Variants in CSMD2 observed in about 807,000 individuals in gnomAD.
The protein encoded by CSMD2 is CUB and sushi domain-containing protein 2.
CSMD2 carries 130 observed loss-of-function variants against 398.5 expected under a neutral mutation model. The observed-to-expected ratio is 0.33, with a 90% CI of 0.28 to 0.38. The LOEUF (loss-of-function observed/expected upper bound fraction) is 0.38, where lower values mean the gene tolerates loss of function less well. Among genes scored for constraint, CSMD2 ranks in the 10% least tolerant of loss-of-function variants. CSMD2 has a pLI of 1.00. For synonymous variants in CSMD2, 1,828 were observed against 1,908.5 expected, an observed-to-expected ratio of 0.96 and a Z score of 1.10; for missense variants, 3,829 against 4,764.9, an observed-to-expected ratio of 0.80 and a Z score of 5.78.
chr1:33,677,380 T>C (rs1037749987), intron 25 of CSMD2, among the ~76,000 whole-genome samples: 1 of 152,194 alleles, frequency 6.6e-6, no homozygotes, highest in African/African-American at 2.4e-5. Context: ...TCACTGGCCA[T>C]CAGAGAAATG....
At chr1:33,903,333 G>GC (rs1642875270) in intron 5 of CSMD2, among the ~76,000 whole-genome samples, 1 of 128,318 alleles carries the variant, frequency 7.8e-6, no homozygotes, top group Non-Finnish European at 1.8e-5. Flanking sequence ...CGACTGCTGA[G>GC]CTTTTTTTTT....
chr1:33,571,561 C>T lies in CSMD2; in HGVS notation c.7928G>A (p.Ser2643Asn). The part of the protein sequence containing the change: ...VIRCQANGKW[S>N]LGDSTPTCRI... Reference sequence around the variant, plus strand: ...GCAGGTGGGCGTAGAGTCCCCGAGGCTCCATTTGCCATTGGCCTGACAGCG... The same window carrying T: ...GCAGGTGGGCGTAGAGTCCCCGAGGTTCCATTTGCCATTGGCCTGACAGCG... The change falls in exon 51 of 71, where the codon AGC becomes AAC. Residue 2643 changes from serine (S) to asparagine (N), a missense_variant. Transcript: ENST00000373381. 6.6e-7 allele frequency: 1 copy of T among 1,523,116 alleles called. No homozygotes were observed. The highest frequency in any genetic ancestry group is 8.9e-7 in the Non-Finnish European group (1 of 1,121,088). 94.4% of individuals were successfully genotyped at this position (1,523,116 alleles called of 1,614,324 possible). A position where few individuals can be genotyped will look rare whatever the true frequency, so the allele number is the denominator to read the frequency against.
intron 4 of CSMD2, among the ~76,000 whole-genome samples, chr1:33,934,967 G>A (rs1160955120): frequency 1.4e-5 from 2 of 143,306 alleles, no homozygotes; most frequent in East Asian, 4.0e-4. Flanking sequence ...TTACGTCACT[G>A]CACTCCAGCA....
chr1:33,527,373 T>C (rs986843666), intron 64 of CSMD2, 115 bp from the exon 65 acceptor site: 2 of 762,588 alleles, frequency 2.6e-6, no homozygotes, highest in African/African-American at 3.6e-5. Context: ...GATCTTGCTT[T>C]CCCCTTATTT....
intron 1 of CSMD2, among the ~76,000 whole-genome samples, chr1:34,162,656 C>T (rs11582531): frequency 0.03 from 4,550 of 152,066 alleles, 102 homozygotes; most frequent in Non-Finnish European, 0.049. Flanking sequence ...GTCAGGAGCT[C>T]GAGACCAGCC....
At chr1:33,669,481 C>T (rs139077270) in intron 25 of CSMD2, among the ~76,000 whole-genome samples, 19 of 152,306 alleles carry the variant, frequency 1.2e-4, no homozygotes, top group African/African-American at 3.4e-4. Context: ...GTCAGACTTC[C>T]GAGGGGACAC....
At chr1:33,735,806 G>A (rs1569595144) in intron 15 of CSMD2, among the ~76,000 whole-genome samples, 1 of 152,262 alleles carries the variant, frequency 6.6e-6, no homozygotes, top group Non-Finnish European at 1.5e-5. Context: ...TGTCCACAAG[G>A]TGGGGACACT....
At chr1:33,997,051 C>T (rs1646748865) in intron 3 of CSMD2, among the ~76,000 whole-genome samples, 1 of 152,222 alleles carries the variant, frequency 6.6e-6, no homozygotes, top group South Asian at 2.1e-4. Flanking sequence ...TCATCACATA[C>T]TGGGTTTTGT....
intron 40 of CSMD2, among the ~76,000 whole-genome samples, chr1:33,613,364 G>C (rs113792752): frequency 6.6e-6 from 1 of 152,156 alleles, no homozygotes; most frequent in Non-Finnish European, 1.5e-5. Flanking sequence ...TGGATGCAGA[G>C]GTACAGGGTC....
At chr1:33,919,529 G>C (rs946227861) in intron 4 of CSMD2, among the ~76,000 whole-genome samples, 3 of 152,224 alleles carry the variant, frequency 2.0e-5, no homozygotes, top group East Asian at 1.9e-4. Flanking sequence ...GTTTCTATGA[G>C]TGCAGAAATG....
intron 2 of CSMD2, among the ~76,000 whole-genome samples, chr1:34,042,643 TAGA>T (rs1283991379): frequency 6.6e-6 from 1 of 152,170 alleles, no homozygotes; most frequent in Non-Finnish European, 1.5e-5. Context: ...CTGGATCAGC[TAGA>T]AGGACATAAT....
At chr1:33,957,178 T>C (rs1645197542) in intron 3 of CSMD2, among the ~76,000 whole-genome samples, 1 of 152,122 alleles carries the variant, frequency 6.6e-6, no homozygotes, top group Non-Finnish European at 1.5e-5. Flanking sequence ...CTTTCCCCCC[T>C]TTGTTTACTG....
At chr1:33,890,209 G>T (rs900959756) in intron 5 of CSMD2, among the ~76,000 whole-genome samples, 3 of 148,998 alleles carry the variant, frequency 2.0e-5, no homozygotes, top group Admixed American at 6.7e-5. Context: ...ATATATAAAA[G>T]AATATACATA....
chr1:33,804,112 C>T (rs1655942450), intron 10 of CSMD2, among the ~76,000 whole-genome samples: 2 of 152,184 alleles, frequency 1.3e-5, no homozygotes, highest in Non-Finnish European at 2.9e-5. Flanking sequence ...ATTCATTGTC[C>T]TATTACGAGA....
intron 2 of CSMD2, among the ~76,000 whole-genome samples, chr1:34,037,165 T>C (rs1243417965): frequency 6.6e-6 from 1 of 152,236 alleles, no homozygotes; most frequent in Non-Finnish European, 1.5e-5. Context: ...CATATTATAT[T>C]GCTATTGGAC....
intron 1 of CSMD2, among the ~76,000 whole-genome samples, chr1:34,139,854 A>G (rs72888106): frequency 0.028 from 4,228 of 152,242 alleles, 182 homozygotes; most frequent in African/African-American, 0.097. Flanking sequence ...CATCCCTCCT[A>G]AAGCTGTGAG....
intron 2 of CSMD2, among the ~76,000 whole-genome samples, chr1:34,063,824 G>A (rs1476869803): frequency 6.6e-6 from 1 of 152,218 alleles, no homozygotes; most frequent in African/African-American, 2.4e-5. Context: ...TCTCCATGAG[G>A]GCCCCGCCCG....
chr1:34,141,720 G>A (rs964412851), intron 1 of CSMD2, among the ~76,000 whole-genome samples: 1 of 152,136 alleles, frequency 6.6e-6, no homozygotes, highest in Non-Finnish European at 1.5e-5. Flanking sequence ...TCTGAATGAT[G>A]CCAGGGGAAT....
At chr1:33,941,770 AAG>A (rs1284618511) in intron 3 of CSMD2, among the ~76,000 whole-genome samples, 2 of 152,058 alleles carry the variant, frequency 1.3e-5, no homozygotes, top group East Asian at 3.8e-4. Flanking sequence ...TCCATCCCCA[AAG>A]AGTTTTCTAT....
Sources: gnomAD v4.1 joint callset for allele counts (sites outside exome capture counted in the v4.1 genomes callset) on GRCh38, gnomAD v4.1.1 for gene constraint, MANE v1.5 for transcripts, NCBI Gene and HGNC (gene_info 2026-07-23, HGNC 2026-07-21) for gene names.